NRG1: variants seen among roughly 807,000 people sequenced by gnomAD.
NRG1 encodes the protein neuregulin 1, also known as pro-neuregulin-1, membrane-bound isoform.
In NRG1, 18 loss-of-function variants were observed where a neutral mutation model predicts 63.8. The ratio of observed to expected loss-of-function variants is 0.28; its 90% confidence interval spans 0.19 to 0.42. The LOEUF is 0.42. NRG1 is among the 10% of genes least tolerant of loss of function. NRG1 has a pLI of 1.00. For synonymous variants in NRG1, 302 were observed against 301.3 expected, an observed-to-expected ratio of 1.00 and a Z score of -0.02; for missense variants, 762 against 814.7, an observed-to-expected ratio of 0.94 and a Z score of 0.79.
At chr8:31,689,361 G>T (rs185133864) in intron 1 of NRG1, among the ~76,000 whole-genome samples, 1 of 152,310 alleles carries the variant, frequency 6.6e-6, no homozygotes, top group East Asian at 1.9e-4. Context: ...ATAATACCAG[G>T]TAAATGAGAG....
intron 1 of NRG1, among the ~76,000 whole-genome samples, chr8:32,250,741 T>C (rs1441830562): frequency 6.6e-6 from 1 of 152,146 alleles, no homozygotes; most frequent in Non-Finnish European, 1.5e-5. Flanking sequence ...TCTGGTCTTT[T>C]TTTTCACACA....
intron 1 of NRG1, among the ~76,000 whole-genome samples, chr8:31,678,238 A>C (rs1807931376): frequency 6.6e-6 from 1 of 152,088 alleles, no homozygotes; most frequent in Non-Finnish European, 1.5e-5. Flanking sequence ...TAGCATAGGA[A>C]AGGCTACATA....
intron 1 of NRG1, among the ~76,000 whole-genome samples, chr8:32,297,703 T>C (rs1855059567): frequency 6.6e-6 from 1 of 151,602 alleles, no homozygotes; most frequent in African/African-American, 2.4e-5. Flanking sequence ...CTTTCTTTTA[T>C]GGCTAACAAG....
At chr8:32,640,761 ATAT>A (rs1852236316) in intron 5 of NRG1, among the ~76,000 whole-genome samples, 1 of 152,064 alleles carries the variant, frequency 6.6e-6, no homozygotes, top group Admixed American at 6.6e-5. Context: ...ATATACTAAA[ATAT>A]TATTTTTCTG....
chr8:32,111,175 G>T (rs553933104), intron 1 of NRG1, among the ~76,000 whole-genome samples: 6 of 151,914 alleles, frequency 3.9e-5, no homozygotes, highest in African/African-American at 1.2e-4. Flanking sequence ...GGAGTGCCGC[G>T]GTGTGCTCTT....
chr8:32,668,419 G>A (rs1295258808), intron 5 of NRG1, among the ~76,000 whole-genome samples: 1 of 152,244 alleles, frequency 6.6e-6, no homozygotes, highest in East Asian at 1.9e-4. Flanking sequence ...AAATATGAGT[G>A]TAGGTTATTG....
At chr8:31,951,370 C>T (rs536859202) in intron 1 of NRG1, among the ~76,000 whole-genome samples, 61 of 152,244 alleles carry the variant, frequency 4.0e-4, no homozygotes, top group African/African-American at 1.3e-3. Flanking sequence ...GAGGCAGAGC[C>T]CTGCTCCAGC....
intron 1 of NRG1, among the ~76,000 whole-genome samples, chr8:31,748,932 C>T (rs1349745319): frequency 6.6e-6 from 1 of 151,824 alleles, no homozygotes; most frequent in Non-Finnish European, 1.5e-5. Flanking sequence ...AGAAAATATA[C>T]TGAAATGCAA....
chr8:32,143,120 C>T (rs1397440624), intron 1 of NRG1, among the ~76,000 whole-genome samples: 2 of 152,284 alleles, frequency 1.3e-5, no homozygotes, highest in African/African-American at 4.8e-5. Context: ...GGCCTCTAAG[C>T]TGCAGCCTCT....
intron 1 of NRG1, among the ~76,000 whole-genome samples, chr8:31,749,240 G>T (rs1026888434): frequency 6.6e-6 from 1 of 151,704 alleles, no homozygotes; most frequent in Non-Finnish European, 1.5e-5. Context: ...ATACAGATTG[G>T]ATATAAAGTG....
At chr8:32,174,140 C>T (rs1585838188) in intron 1 of NRG1, among the ~76,000 whole-genome samples, 1 of 152,178 alleles carries the variant, frequency 6.6e-6, no homozygotes, top group African/African-American at 2.4e-5. Flanking sequence ...AACAAACTGT[C>T]TCTCAGACCA....
chr8:32,152,064 T>C (rs1837560952), intron 1 of NRG1, among the ~76,000 whole-genome samples: 1 of 152,232 alleles, frequency 6.6e-6, no homozygotes. Context: ...TCACAAGAGC[T>C]CCACAACTGG....
At chr8:32,757,425 T>C (rs1829882973) in intron 9 of NRG1, among the ~76,000 whole-genome samples, 1 of 152,218 alleles carries the variant, frequency 6.6e-6, no homozygotes, top group African/African-American at 2.4e-5. Flanking sequence ...TTCTATCCTA[T>C]AGAAAAAGGC....
intron 1 of NRG1, among the ~76,000 whole-genome samples, chr8:31,679,422 T>C (rs1808090103): frequency 6.6e-6 from 1 of 152,284 alleles, no homozygotes; most frequent in Admixed American, 6.5e-5. Context: ...CACTGCTTTG[T>C]CTCTGCTGTC....
At chr8:32,294,898 T>C (rs534556376) in intron 1 of NRG1, among the ~76,000 whole-genome samples, 2 of 152,288 alleles carry the variant, frequency 1.3e-5, no homozygotes, top group South Asian at 4.1e-4. Flanking sequence ...TTGTCTGAAG[T>C]CACACAGTGC....
intron 5 of NRG1, among the ~76,000 whole-genome samples, chr8:32,643,275 G>A (rs1272210974): frequency 1.3e-5 from 2 of 152,174 alleles, no homozygotes; most frequent in Non-Finnish European, 2.9e-5. Flanking sequence ...TTGAGTCTGG[G>A]CTGGCACGGT....
intron 1 of NRG1, among the ~76,000 whole-genome samples, chr8:31,983,760 G>A (rs1809574717): frequency 6.6e-6 from 1 of 151,998 alleles, no homozygotes. Context: ...AGAGGTGCTA[G>A]GTTGAGGATC....
upstream of NRG1, among the ~76,000 whole-genome samples, chr8:32,546,460 A>G (rs538047514): frequency 1.5e-3 from 222 of 152,308 alleles, 1 homozygote; most frequent in Admixed American, 1.8e-3. Context: ...TTGGGACAAA[A>G]TATCTGTTTT....
intron 1 of NRG1, among the ~76,000 whole-genome samples, chr8:32,354,148 C>T (rs2129480007): frequency 6.6e-6 from 1 of 151,928 alleles, no homozygotes; most frequent in Non-Finnish European, 1.5e-5. Context: ...GTGGGCAGAT[C>T]ACCTGAGGTC....
Sources: gnomAD v4.1 joint callset for allele counts (sites outside exome capture counted in the v4.1 genomes callset) on GRCh38, gnomAD v4.1.1 for gene constraint, MANE v1.5 for transcripts, NCBI Gene and HGNC (gene_info 2026-07-23, HGNC 2026-07-21) for gene names.